ZNF621: variants seen among roughly 807,000 people sequenced by gnomAD.
The protein encoded by ZNF621 is zinc finger protein 621.
ZNF621 carries 6 observed loss-of-function variants against 12.7 expected under a neutral mutation model. The observed-to-expected ratio is 0.47, with a 90% CI of 0.26 to 0.93. The LOEUF is 0.93. Ranked by LOEUF, ZNF621 falls within the 40% of genes least tolerant of loss-of-function variation. The pLI is 0.15. For missense variants in ZNF621, 474 were observed against 524.0 expected, an observed-to-expected ratio of 0.90 and a Z score of 0.93; for synonymous variants, 156 against 190.3, an observed-to-expected ratio of 0.82 and a Z score of 1.48.
chr3:40,526,705 C>T (rs1196597772), intron 2 of ZNF621, among the ~76,000 whole-genome samples: 1 of 152,144 alleles, frequency 6.6e-6, no homozygotes, highest in African/African-American at 2.4e-5. Flanking sequence ...ACAGTGGTTT[C>T]TGTACTGGTT....
At position 40,534,205 on chromosome 3, in the gene ZNF621, A is replaced by G. The variant is rs1450663651; in HGVS notation, c.*1115A>G. On this transcript the variant is annotated 3_prime_UTR_variant, in exon 5 of 5. Coordinates refer to ENST00000339296, the MANE Select transcript of ZNF621 (RefSeq NM_198484.5). Reference sequence around the variant, plus strand: ...TTTAATTACTAAAGAAATAAAAATAATGGTGTAAAGCCAACTCGAGGGGAA... The same window carrying G: ...TTTAATTACTAAAGAAATAAAAATAGTGGTGTAAAGCCAACTCGAGGGGAA... 1 of 152,202 alleles carries G rather than the reference A, an allele frequency of 6.6e-6. No individual in the cohort carries two copies. The highest frequency in any genetic ancestry group is 1.5e-5 in the Non-Finnish European group (1 of 68,008). The allele number at this position is 152,202 out of a possible 1,614,324, so 9.4% of individuals were successfully genotyped here.
upstream of ZNF621, among the ~76,000 whole-genome samples, chr3:40,523,609 C>CA (rs1287419440): frequency 2.0e-5 from 3 of 151,958 alleles, no homozygotes; most frequent in South Asian, 2.1e-4. Context: ...ACTAAAAATA[C>CA]AAAAAATTAG....
chr3:40,523,909 T>G (rs1310731713), upstream of ZNF621, among the ~76,000 whole-genome samples: 1 of 152,134 alleles, frequency 6.6e-6, no homozygotes, highest in Non-Finnish European at 1.5e-5. Flanking sequence ...TGGGTAGAGC[T>G]GCCACTGGCT....
At position 40,532,665 on chromosome 3, in the gene ZNF621, G is replaced by A; in HGVS notation, c.895G>A (p.Ala299Thr). 6.2e-7 allele frequency: 1 copy of A among 1,614,210 alleles called. No homozygotes were observed. Reference sequence around the variant, plus strand: ...TTATCAATGTAAGGAGTGTGGCAAAGCCTTCACCCAGAAAATAGCCTCCAT... The same window carrying A: ...TTATCAATGTAAGGAGTGTGGCAAAACCTTCACCCAGAAAATAGCCTCCAT... ...KPYQCKECGK[A>T]FTQKIASIQH... is the part of the protein sequence containing the mutation. The change falls in exon 5 of 5, where the codon GCC (alanine) becomes ACC (threonine). Residue 299 changes from alanine to threonine, a missense_variant. By Grantham distance (58) the Ala-to-Thr change is moderately conservative. Coordinates refer to ENST00000339296, the MANE Select transcript of ZNF621 (RefSeq NM_198484.5).
In ZNF621 at chr3:40,530,244, C is replaced by T. The variant is rs1698691245; in HGVS notation, c.187C>T (p.His63Tyr). ...FPFPKPALIS[H>Y]LERGEAPWGP... Reference sequence around the variant, plus strand: ...ATTCCCCAAACCTGCTCTGATCTCCCACCTGGAGAGAGGGGAAGCACCATG... The same window carrying T: ...ATTCCCCAAACCTGCTCTGATCTCCTACCTGGAGAGAGGGGAAGCACCATG... The change falls in exon 4 of 5, where the codon CAC (histidine) becomes TAC (tyrosine). Residue 63 changes from histidine to tyrosine, a missense_variant. Coordinates refer to ENST00000339296, the MANE Select transcript of ZNF621 (RefSeq NM_198484.5). 2 of 1,613,832 alleles carry T rather than the reference C, an allele frequency of 1.2e-6. No homozygotes were observed. Among genetic ancestry groups the T allele is most frequent in the Non-Finnish European group, 1.7e-6 (2 of 1,179,898 alleles).
rs1698878761 is a variant in ZNF621 at position 40,536,886 on chromosome 3, T to C, written c.*3796T>C. 1 of 152,218 alleles carries C rather than the reference T, an allele frequency of 6.6e-6. No homozygotes were observed. The highest frequency in any genetic ancestry group is 1.5e-5 in the Non-Finnish European group (1 of 68,038). 9.4% of individuals were successfully genotyped at this position (152,218 alleles called of 1,614,324 possible). The stretch of plus-strand genomic sequence containing the variant: ...TTAAAATATTTCAAACTTTTCATTA[T>C]ATGTGTTTTGGTGATTAGTGACTTT... On this transcript the variant is annotated 3_prime_UTR_variant, in exon 5 of 5. Transcript: ENST00000339296.
upstream of ZNF621, chr3:40,524,837 T>C (rs1698536009): frequency 6.6e-6 from 1 of 152,324 alleles, no homozygotes; most frequent in Non-Finnish European, 1.5e-5. Context: ...GCCCAGCCGG[T>C]CGCCGCAACC....
chr3:40,529,612 T>C (rs1222153395), intron 3 of ZNF621, 167 bp downstream of exon 3: 1 of 1,471,542 alleles, frequency 6.8e-7, no homozygotes, highest in South Asian at 1.2e-5. Flanking sequence ...TTTTTGTTTG[T>C]TTGTTTGTTT....
Position 40,533,264 on chromosome 3 carries a change from T to C in ZNF621, c.*174T>C, listed in dbSNP as rs1698782688. ...CAAGCGATTCTCCTCCTTCAGACTC[T>C]CGAATAGCTGGGATTACAGGCACGC... is the stretch of plus-strand genomic sequence containing the variant. On this transcript the variant is annotated 3_prime_UTR_variant, in exon 5 of 5. Transcript: ENST00000339296. 5 of 1,083,016 alleles carry C rather than the reference T, an allele frequency of 4.6e-6. No individual in the cohort carries two copies. Among genetic ancestry groups the C allele is most frequent in the Non-Finnish European group, 6.4e-6 (5 of 785,562 alleles). 67.1% of individuals were successfully genotyped at this position (1,083,016 alleles called of 1,614,324 possible).
rs927397677 is a variant in ZNF621 at position 40,525,760 on chromosome 3, A to G, written c.-62-19A>G. On this transcript the variant is annotated intron_variant, in intron 1 of 4. Transcript: ENST00000339296. ...GTGGACGACAGGGTCCTTAGCACTC[A>G]TGGCTCTTTTTCTCTTAGCTCTTGA... 4 of 1,608,078 alleles carry G rather than the reference A, an allele frequency of 2.5e-6. No homozygotes were observed. The highest frequency in any genetic ancestry group is 2.6e-6 in the Non-Finnish European group (3 of 1,174,744).
At chr3:40,528,104 A>G (rs1698628811) in intron 2 of ZNF621, among the ~76,000 whole-genome samples, 1 of 152,204 alleles carries the variant, frequency 6.6e-6, no homozygotes, top group Non-Finnish European at 1.5e-5. Context: ...GAATAGTTTC[A>G]CTGCCCTAAA....
chr3:40,529,522 G>A (rs751794909), intron 3 of ZNF621, 77 bp downstream of exon 3: 3 of 1,600,136 alleles, frequency 1.9e-6, no homozygotes, highest in East Asian at 2.3e-5. Flanking sequence ...GTAGCCCTTG[G>A]GTTTGATGAC....
At chr3:40,526,004 T>C in intron 2 of ZNF621, 140 bp downstream of exon 2, 2 of 918,184 alleles carry the variant, frequency 2.2e-6, no homozygotes, top group Non-Finnish European at 1.7e-6. Flanking sequence ...TCTCCAGGGC[T>C]ATGGCAGATG....
chr3:40,532,236 T>A lies in ZNF621; in HGVS notation c.466T>A (p.Cys156Ser), dbSNP rs141711934. Residue 156 changes from cysteine to serine, a missense_variant, in exon 5 of 5, where the codon TGT becomes AGT. Coordinates refer to ENST00000339296, the MANE Select transcript of ZNF621 (RefSeq NM_198484.5). ...GGMKFYECKECGKIFRYNSKL... is the reference protein window; with the variant it reads ...GGMKFYECKESGKIFRYNSKL... Reference sequence around the variant, plus strand: ...AATGAAGTTCTATGAATGTAAAGAATGTGGGAAAATCTTCCGATATAACTC... The same window carrying A: ...AATGAAGTTCTATGAATGTAAAGAAAGTGGGAAAATCTTCCGATATAACTC... 8.7e-6 allele frequency: 14 copies of A among 1,613,998 alleles called. No individual in the cohort carries two copies. Among genetic ancestry groups the A allele is most frequent in the Non-Finnish European group, 1.2e-5 (14 of 1,180,044 alleles).
rs979555573 is a variant in ZNF621, at chr3:40,535,521, C to A, written c.*2431C>A. On this transcript the variant is annotated 3_prime_UTR_variant, in exon 5 of 5. Transcript: ENST00000339296. ...GCTGGTGCCTGCTACTGGACTGCCACCCCCCATTGAAGAGACTGGACCACC... is the reference window on the plus strand; with the variant it reads ...GCTGGTGCCTGCTACTGGACTGCCAACCCCCATTGAAGAGACTGGACCACC... The A allele has an allele frequency of 2.0e-5, 3 of 152,304 alleles. No individual in the cohort carries two copies. Among genetic ancestry groups the A allele is most frequent in the Non-Finnish European group, 4.4e-5 (3 of 68,038 alleles). 9.4% of individuals were successfully genotyped at this position (152,304 alleles called of 1,614,324 possible).
At position 40,538,463 on chromosome 3, in the gene ZNF621, G is replaced by A. The variant is rs1444677151; in HGVS notation, c.*5373G>A. Reference sequence around the variant, plus strand: ...AGAGGCAGAGGTTGCAGTGAGCTGAGGTTGCACCACTGTGCTTCAGCCTGG... The same window carrying A: ...AGAGGCAGAGGTTGCAGTGAGCTGAAGTTGCACCACTGTGCTTCAGCCTGG... On this transcript the variant is annotated 3_prime_UTR_variant, in exon 5 of 5. Transcript: ENST00000339296. The A allele has an allele frequency of 5.4e-6, 1 of 184,340 alleles. No homozygotes were observed. The highest frequency in any genetic ancestry group is 1.9e-4 in the East Asian group (1 of 5,400). The allele number at this position is 184,340 out of a possible 1,614,324, so 11.4% of individuals were successfully genotyped here.
At chr3:40,525,295 T>G (rs1263450174) in intron 1 of ZNF621, 21 bp downstream of exon 1, 1 of 159,700 alleles carries the variant, frequency 6.3e-6, no homozygotes, top group East Asian at 1.9e-4. Context: ...TTCTGATGTT[T>G]GGGGTTGCCT....
rs182765601 is a variant in ZNF621 at position 40,532,975 on chromosome 3, T to C, written c.1205T>C (p.Leu402Pro). 2.4e-4 allele frequency: 376 copies of C among 1,552,072 alleles called. 3 individuals are homozygous for C. The East Asian group carries it at 7.7e-3, about 32-fold the overall frequency. Reference protein sequence around the residue: ...IPTSGNFFMLLPTSGIPSSSA... With the variant: ...IPTSGNFFMLPPTSGIPSSSA... ...ACCTCTGGGAATTTTTTCATGCTGC[T>C]GCCTACATCTGGAATACCTTCTTCA... The change falls in exon 5 of 5, where the codon CTG becomes CCG. Residue 402 changes from leucine (L) to proline (P), a missense_variant. By Grantham distance (98) the Leu-to-Pro change is moderately conservative. Transcript: ENST00000339296.
chr3:40,530,159 A>G (rs1698687891), intron 3 of ZNF621, 50 bp from the exon 4 acceptor site: 1 of 1,504,434 alleles, frequency 6.6e-7, no homozygotes, highest in Non-Finnish European at 9.2e-7. Flanking sequence ...GATCCCAGGA[A>G]TAGCTCTGGA....
Sources: gnomAD v4.1 joint callset for allele counts (sites outside exome capture counted in the v4.1 genomes callset) on GRCh38, gnomAD v4.1.1 for gene constraint, MANE v1.5 for transcripts, NCBI Gene and HGNC (gene_info 2026-07-23, HGNC 2026-07-21) for gene names.